LRRC37A2: variants seen among roughly 807,000 people sequenced by gnomAD.
LRRC37A2 encodes the protein leucine-rich repeat-containing protein 37A2.
A neutral mutation model predicts 68.8 loss-of-function variants in LRRC37A2; 9 were observed. That is an observed-to-expected ratio of 0.13 (90% confidence interval 0.08 to 0.23). The LOEUF (loss-of-function observed/expected upper bound fraction) is 0.23, where lower values mean the gene tolerates loss of function less well. LRRC37A2 is among the 10% of genes least tolerant of loss of function. The pLI, the probability that LRRC37A2 is intolerant of heterozygous loss-of-function variation, is 1.00. For missense variants in LRRC37A2, 168 were observed against 950.4 expected (o/e 0.18, Z 10.82); for synonymous variants, 63 against 367.6 (o/e 0.17, Z 9.48).
At chr17:47,024,859 C>A in the LRRC37A2 span, 1 of 602,888 alleles carries the variant, frequency 1.7e-6, no homozygotes, top group Non-Finnish European at 3.0e-6. Context: ...TAAAATTCTG[C>A]AATTCTGTAA....
At chr17:46,841,024 G>A in the LRRC37A2 span, among the ~76,000 whole-genome samples, 3 of 152,116 alleles carry the variant, frequency 2.0e-5, no homozygotes, top group Admixed American at 1.3e-4. Context: ...ACCATGGAAC[G>A]CCTTTCCCGA....
downstream of LRRC37A2, chr17:46,559,063 T>G (rs2057466534): frequency 1.3e-5 from 1 of 79,238 alleles, no homozygotes; most frequent in Non-Finnish European, 2.2e-5. Flanking sequence ...CATCTTCAGC[T>G]GGAGGTGAGC....
the LRRC37A2 span, among the ~76,000 whole-genome samples, chr17:46,413,200 A>G: frequency 1.3e-5 from 1 of 75,002 alleles, no homozygotes; most frequent in East Asian, 2.4e-4. Context: ...GTCTCAGGCA[A>G]TGTGGCAAAG....
At chr17:47,017,043 C>T in the LRRC37A2 span, 5 of 983,244 alleles carry the variant, frequency 5.1e-6, no homozygotes, top group Non-Finnish European at 5.8e-6. Flanking sequence ...GGTGTTCCGG[C>T]AGGGCAGGAT....
the LRRC37A2 span, among the ~76,000 whole-genome samples, chr17:46,724,345 G>A: frequency 3.4e-4 from 51 of 152,220 alleles, no homozygotes; most frequent in African/African-American, 1.1e-3. Context: ...CTATATCTCC[G>A]TCATGGCTCA....
At chr17:46,900,202 TAC>T in the LRRC37A2 span, among the ~76,000 whole-genome samples, 26 of 101,164 alleles carry the variant, frequency 2.6e-4, no homozygotes, top group East Asian at 1.7e-3. Context: ...TATATATATA[TAC>T]ACACACACAC....
chr17:46,863,481 C>T, the LRRC37A2 span, among the ~76,000 whole-genome samples: 2 of 152,042 alleles, frequency 1.3e-5, no homozygotes, highest in African/African-American at 4.8e-5. Context: ...GTCTGCCATG[C>T]GGAACTGATG....
the LRRC37A2 span, among the ~76,000 whole-genome samples, chr17:46,716,359 C>G: frequency 6.6e-6 from 1 of 151,750 alleles, no homozygotes; most frequent in Non-Finnish European, 1.5e-5. Context: ...CGGGTTCATG[C>G]CATTCTCCTG....
the LRRC37A2 span, among the ~76,000 whole-genome samples, chr17:46,980,648 C>T: frequency 1.4e-4 from 14 of 99,374 alleles, no homozygotes; most frequent in South Asian, 2.2e-3. Context: ...CCGTGAAACC[C>T]TGTCTCTACT....
chr17:46,784,728 G>A, the LRRC37A2 span, among the ~76,000 whole-genome samples: 1 of 152,004 alleles, frequency 6.6e-6, no homozygotes, highest in Non-Finnish European at 1.5e-5. Context: ...CCTACACAGA[G>A]GGAGCCACTG....
the LRRC37A2 span, among the ~76,000 whole-genome samples, chr17:46,954,719 T>G: frequency 6.6e-6 from 1 of 152,238 alleles, no homozygotes; most frequent in African/African-American, 2.4e-5. Context: ...TGGTTTGTAG[T>G]TCTCCTTGAA....
chr17:46,834,086 T>G, the LRRC37A2 span, among the ~76,000 whole-genome samples: 144 of 152,236 alleles, frequency 9.5e-4, no homozygotes, highest in African/African-American at 3.2e-3. Flanking sequence ...TCTCAGCTAC[T>G]CGGGAGGCTG....
chr17:46,850,182 G>C, the LRRC37A2 span, among the ~76,000 whole-genome samples: 1 of 152,190 alleles, frequency 6.6e-6, no homozygotes, highest in Admixed American at 6.5e-5. Context: ...CAAAAATCCT[G>C]TTAGATATTT....
At chr17:46,851,744 TC>T in the LRRC37A2 span, 2 of 1,191,028 alleles carry the variant, frequency 1.7e-6, no homozygotes, top group Non-Finnish European at 2.1e-6. The surrounding 1 kb of genome is among the most constrained non-coding windows in gnomAD (Gnocchi z 4.3). Flanking sequence ...CCCCGCCCGC[TC>T]CCCGGCCTGC....
the LRRC37A2 span, among the ~76,000 whole-genome samples, chr17:46,775,674 C>T: frequency 1.6e-4 from 23 of 143,740 alleles, no homozygotes; most frequent in East Asian, 3.9e-3. Context: ...AATGCAGTGA[C>T]GTGATCTCGG....
the LRRC37A2 span, among the ~76,000 whole-genome samples, chr17:46,974,535 G>A: frequency 6.6e-6 from 1 of 152,088 alleles, no homozygotes; most frequent in African/African-American, 2.4e-5. Flanking sequence ...GAGATCGAGA[G>A]CATCCTGGCT....
chr17:46,759,822 AAAT>A, the LRRC37A2 span, among the ~76,000 whole-genome samples: 14 of 152,156 alleles, frequency 9.2e-5, no homozygotes, highest in South Asian at 4.1e-4. Context: ...TTTCTTCATA[AAAT>A]AATATTGCTT....
At chr17:46,944,623 TTC>T in the LRRC37A2 span, among the ~76,000 whole-genome samples, 1 of 151,428 alleles carries the variant, frequency 6.6e-6, no homozygotes, top group African/African-American at 2.4e-5. Context: ...TTTTTTTTTT[TTC>T]CTCTCATTCT....
chr17:46,640,339 ATG>A, the LRRC37A2 span, among the ~76,000 whole-genome samples: 2 of 118,842 alleles, frequency 1.7e-5, 1 homozygote, highest in Non-Finnish European at 3.4e-5. Flanking sequence ...ATAGCTTAAA[ATG>A]TATTTATTTG....
Sources: allele counts gnomAD v4.1 joint callset (sites outside exome capture counted in the v4.1 genomes callset), GRCh38; gene constraint gnomAD v4.1.1; non-coding constraint Gnocchi (gnomAD v3.1); transcripts MANE v1.5; gene names NCBI Gene and HGNC (gene_info 2026-07-23, HGNC 2026-07-21).